STK32B: variants seen among roughly 807,000 people sequenced by gnomAD.
The protein encoded by STK32B is serine/threonine-protein kinase 32B.
A neutral mutation model predicts 52.6 loss-of-function variants in STK32B; 43 were observed. The ratio of observed to expected loss-of-function variants is 0.82; its 90% CI spans 0.64 to 1.05. The LOEUF (loss-of-function observed/expected upper bound fraction) is 1.05. Among genes scored for constraint, STK32B ranks in the 50% least tolerant of loss-of-function variants. STK32B has a pLI of 0.00. For synonymous variants in STK32B, 238 were observed against 204.3 expected, an observed-to-expected ratio of 1.17 and a Z score of -1.41; for missense variants, 621 against 534.6, an observed-to-expected ratio of 1.16 and a Z score of -1.59.
chr4:5,416,700 C>T (rs1712192040), intron 5 of STK32B, 145 bp from the exon 6 acceptor site: 2 of 580,016 alleles, frequency 3.4e-6, no homozygotes, highest in Admixed American at 7.1e-5. Flanking sequence ...ACAAAATAAA[C>T]ATTTTTAAAG....
chr4:5,486,099 T>C (rs1463435294), intron 11 of STK32B, among the ~76,000 whole-genome samples: 1 of 152,172 alleles, frequency 6.6e-6, no homozygotes, highest in Non-Finnish European at 1.5e-5. Flanking sequence ...GGAGGACCAC[T>C]ACTTTCGGGG....
In STK32B at chr4:5,235,157, G is replaced by A. The variant is rs145613183; in HGVS notation, c.260+66707G>A. 6.4e-3 allele frequency among the ~76,000 whole-genome samples: 974 copies of A among 152,348 alleles called. 4 individuals are homozygous for A. The highest frequency in any genetic ancestry group is 0.011 in the Non-Finnish European group (728 of 68,040). ...ACTAATGGATCACCTTGGGCAAGAA[G>A]CTTAATGTCTACAAACTTCAGTTTT... On this transcript the variant is annotated intron_variant, in intron 3 of 11. Transcript: ENST00000282908.
chr4:5,256,611 C>A (rs1726318761), intron 3 of STK32B, among the ~76,000 whole-genome samples: 1 of 152,222 alleles, frequency 6.6e-6, no homozygotes, highest in African/African-American at 2.4e-5. Flanking sequence ...TGTCTAAATG[C>A]TCCTCCACTG....
At chr4:5,207,084 G>A (rs1006364460) in intron 3 of STK32B, among the ~76,000 whole-genome samples, 3 of 152,106 alleles carry the variant, frequency 2.0e-5, no homozygotes, top group African/African-American at 7.2e-5. Flanking sequence ...ACAGTCACAC[G>A]CCTTCATTTA....
At chr4:5,192,754 G>T in intron 3 of STK32B, among the ~76,000 whole-genome samples, 1 of 5,444 alleles carries the variant, frequency 1.8e-4, no homozygotes, top group Admixed American at 1.9e-3. Flanking sequence ...TTCTACTCTC[G>T]GCAAATTTCG....
At chr4:5,172,116 T>C (rs559756299) in intron 3 of STK32B, among the ~76,000 whole-genome samples, 2 of 150,544 alleles carry the variant, frequency 1.3e-5, no homozygotes, top group Non-Finnish European at 3.0e-5. Flanking sequence ...GTTTGTCTGT[T>C]GTTGGTGTAT....
At chr4:5,261,270 A>G (rs1312937016) in intron 3 of STK32B, among the ~76,000 whole-genome samples, 1 of 152,194 alleles carries the variant, frequency 6.6e-6, no homozygotes, top group Non-Finnish European at 1.5e-5. Context: ...GCCGACAGCC[A>G]TCAAAATTCT....
chr4:5,474,408 G>A (rs28759010), intron 11 of STK32B, among the ~76,000 whole-genome samples: 84,825 of 152,192 alleles, frequency 0.56, 26,211 homozygotes, highest in African/African-American at 0.81. Context: ...CTGAACAGAT[G>A]TCAATGATTC....
chr4:5,430,146 G>T (rs2109089947), intron 6 of STK32B, among the ~76,000 whole-genome samples: 2 of 152,052 alleles, frequency 1.3e-5, no homozygotes, highest in East Asian at 1.9e-4. Context: ...GAAAATTCTT[G>T]GTCATTATCT....
chr4:5,031,692 A>T, the STK32B span, among the ~76,000 whole-genome samples: 1,899 of 152,284 alleles, frequency 0.012, 38 homozygotes, highest in African/African-American at 0.043. Flanking sequence ...TCCTCTTTGC[A>T]CAGGGATGTA....
chr4:5,088,207 A>C (rs1319517534), intron 1 of STK32B, among the ~76,000 whole-genome samples: 1 of 152,128 alleles, frequency 6.6e-6, no homozygotes, highest in Non-Finnish European at 1.5e-5. Context: ...ACTAGAAAAT[A>C]GTTTGAGGTG....
intron 3 of STK32B, among the ~76,000 whole-genome samples, chr4:5,311,655 A>G (rs553667653): frequency 6.6e-6 from 1 of 152,150 alleles, no homozygotes; most frequent in Non-Finnish European, 1.5e-5. Context: ...TTGTGAACAC[A>G]TTTTTACTCA....
intron 1 of STK32B, among the ~76,000 whole-genome samples, chr4:5,110,879 T>C (rs902727975): frequency 6.6e-6 from 1 of 151,696 alleles, no homozygotes; most frequent in Non-Finnish European, 1.5e-5. Flanking sequence ...AAAGGATTAA[T>C]ATCCAGAATC....
chr4:5,378,505 C>T lies in STK32B; in HGVS notation c.435-19702C>T, dbSNP rs543114137. Reference sequence around the variant, plus strand: ...ATTTGAACTTGTTTATTTCTAATTCCTATGCCCTTTATCTTTCTGTTTTCT... The same window carrying T: ...ATTTGAACTTGTTTATTTCTAATTCTTATGCCCTTTATCTTTCTGTTTTCT... On this transcript the variant is annotated intron_variant, in intron 4 of 11. Coordinates refer to ENST00000282908, the MANE Select transcript of STK32B (RefSeq NM_018401.3). The surrounding 1 kb of genome is among the most constrained non-coding windows in gnomAD (Gnocchi z 4.4). Among the ~76,000 whole-genome samples the T allele has an allele frequency of 2.0e-5, 3 of 152,142 alleles. No homozygotes were observed. Among genetic ancestry groups the T allele is most frequent in the African/African-American group, 7.2e-5 (3 of 41,496 alleles).
intron 3 of STK32B, among the ~76,000 whole-genome samples, chr4:5,222,342 A>G (rs866657847): frequency 2.6e-5 from 4 of 152,208 alleles, no homozygotes; most frequent in African/African-American, 9.6e-5. Flanking sequence ...TGAATACTGT[A>G]GAAACTCTAC....
chr4:5,429,954 T>C (rs1204049990), intron 6 of STK32B, among the ~76,000 whole-genome samples: 2 of 137,168 alleles, frequency 1.5e-5, no homozygotes, highest in African/African-American at 5.1e-5. Flanking sequence ...CTGTAATTCC[T>C]ATCCCTGTTC....
intron 3 of STK32B, among the ~76,000 whole-genome samples, chr4:5,311,827 C>G (rs1314529460): frequency 6.6e-6 from 1 of 151,828 alleles, no homozygotes; most frequent in Non-Finnish European, 1.5e-5. Flanking sequence ...CAAGAGAATT[C>G]TATCAAACGT....
chr4:5,321,647 A>C (rs903199715), intron 3 of STK32B, among the ~76,000 whole-genome samples: 1 of 152,206 alleles, frequency 6.6e-6, no homozygotes, highest in Non-Finnish European at 1.5e-5. Flanking sequence ...TAGAAGCATG[A>C]AGGATATAGA....
At chr4:5,419,135 G>T (rs1420720808) in intron 6 of STK32B, among the ~76,000 whole-genome samples, 1 of 152,146 alleles carries the variant, frequency 6.6e-6, no homozygotes. Flanking sequence ...AAGAGAGAGG[G>T]GTAGAAATTG....
Sources: allele counts gnomAD v4.1 joint callset (sites outside exome capture counted in the v4.1 genomes callset), GRCh38; gene constraint gnomAD v4.1.1; non-coding constraint Gnocchi (gnomAD v3.1); transcripts MANE v1.5; gene names NCBI Gene and HGNC (gene_info 2026-07-23, HGNC 2026-07-21).